The following ZNF888 variants were observed in gnomAD, a reference collection of about 807,000 sequenced individuals.
The protein encoded by ZNF888 is zinc finger protein 888, also known as CTD-2331H12.6.
In ZNF888, 5 loss-of-function variants were observed where a neutral mutation model predicts 7.2. The ratio of observed to expected loss-of-function variants is 0.70; its 90% CI spans 0.36 to 1.46. ZNF888 has a LOEUF of 1.46. ZNF888 is among the 40% of genes most tolerant of loss of function. The probability of loss-of-function intolerance (pLI) is 0.03; values close to 1 mark genes in which losing one functional copy is unlikely to be tolerated. For missense variants in ZNF888, 716 were observed against 858.0 expected (o/e 0.83, Z 2.07); for synonymous variants, 240 against 284.3 (o/e 0.84, Z 1.57).
At chr19:52,914,989 C>T (rs796098245) in intron 4 of ZNF888, among the ~76,000 whole-genome samples, 65 of 151,164 alleles carry the variant, frequency 4.3e-4, no homozygotes, top group African/African-American at 1.4e-3. Context: ...CTACTTTAGT[C>T]CTGGAACCCA....
intron 1 of ZNF888, among the ~76,000 whole-genome samples, chr19:52,919,312 C>T (rs377718702): frequency 0.18 from 11,037 of 61,484 alleles, 4,476 homozygotes; most frequent in African/African-American, 0.24. Flanking sequence ...CGATTGCGGG[C>T]GCGCGCCGCC....
Position 52,908,000 on chromosome 19 carries a change from G to A in ZNF888, c.322C>T (p.His108Tyr), listed in dbSNP as rs982108494. ...FQWQEDETNG[H>Y]EAPMTEIKEL... is the part of the protein sequence containing the mutation. Reference sequence around the variant, plus strand: ...TTGATTTCTGTCATGGGTGCTTCATGGCCATTTGTTTCATCTTCTTGCCAC... The same window carrying A: ...TTGATTTCTGTCATGGGTGCTTCATAGCCATTTGTTTCATCTTCTTGCCAC... Residue 108 changes from histidine (H) to tyrosine (Y), a missense_variant, in exon 5 of 5, where the codon CAT becomes TAT. Coordinates refer to ENST00000638862, the MANE Select transcript of ZNF888 (RefSeq NM_001393938.1). 6 of 1,614,012 alleles carry A rather than the reference G, an allele frequency of 3.7e-6. No homozygotes were observed. In the Admixed American group the frequency reaches 5.0e-5, roughly 13 times the overall value.
intron 4 of ZNF888, among the ~76,000 whole-genome samples, chr19:52,912,561 T>TAA (rs1176685168): frequency 0.046 from 5,253 of 114,832 alleles, 194 homozygotes; most frequent in Middle Eastern, 0.1. Flanking sequence ...CCATCTCTAC[T>TAA]AAAAAAAAAA....
chr19:52,922,303 C>T (rs554952438), intron 1 of ZNF888, among the ~76,000 whole-genome samples: 95 of 152,160 alleles, frequency 6.2e-4, no homozygotes, highest in Admixed American at 3.0e-3. Flanking sequence ...CTCTCTTCCC[C>T]GTTATACCCC....
intron 4 of ZNF888, chr19:52,913,867 T>A (rs1244135549): frequency 2.1e-6 from 1 of 470,944 alleles, no homozygotes; most frequent in Non-Finnish European, 2.8e-6. Context: ...GGCTCACGCC[T>A]GTAATCCCAG....
Position 52,906,041 on chromosome 19 carries a change from C to A in ZNF888, c.*124G>T. The A allele has an allele frequency of 2.2e-6, 3 of 1,386,690 alleles. No homozygotes were observed. The highest frequency in any genetic ancestry group is 2.3e-5 in the South Asian group (2 of 85,418). The allele number at this position is 1,386,690 out of a possible 1,614,324, so 85.9% of individuals were successfully genotyped here. ...GTATGAGTTCACCCATGAACTACAG[C>A]GTATGAACGATGTCTGAAAAATTTG... is the stretch of plus-strand genomic sequence containing the variant. On this transcript the variant is annotated 3_prime_UTR_variant, in exon 5 of 5. Coordinates refer to ENST00000638862, the MANE Select transcript of ZNF888 (RefSeq NM_001393938.1).
chr19:52,907,951 T>C lies in ZNF888; in HGVS notation c.371A>G (p.Gln124Arg). Residue 124 changes from glutamine to arginine, a missense_variant, in exon 5 of 5, where the codon CAA (glutamine) becomes CGA (arginine). Transcript: ENST00000638862. ...EIKELTGSTD[Q>R]YDQRHAGNKP... is the part of the protein sequence containing the mutation. Reference sequence around the variant, plus strand: ...GTTTCCAGCATGCCTTTGATCATATTGGTCTGTACTACCCGTCAACTCTTT... The same window carrying C: ...GTTTCCAGCATGCCTTTGATCATATCGGTCTGTACTACCCGTCAACTCTTT... 1.9e-6 allele frequency: 3 copies of C among 1,614,164 alleles called. No individual in the cohort carries two copies. The highest frequency in any genetic ancestry group is 2.5e-6 in the Non-Finnish European group (3 of 1,180,020).
chr19:52,908,215 G>A, intron 4 of ZNF888, 36 bp from the exon 5 acceptor site: 2 of 1,577,048 alleles, frequency 1.3e-6, no homozygotes, highest in Non-Finnish European at 1.7e-6. Context: ...TTCCAATTCA[G>A]TACAGATAAT....
Position 52,907,476 on chromosome 19 carries a change from T to C in ZNF888, c.846A>G (p.Lys282=), listed in dbSNP as rs2064624644. ...CNKCGKVFNK[K]AYLARHYRRH... is the part of the protein sequence containing the mutation. ...GTCTATAATGACGTGCAAGGTATGC[T>C]TTTTTATTAAAAACCTTGCCACATT... is the stretch of plus-strand genomic sequence containing the variant. Residue 282 remains lysine, a synonymous_variant, in exon 5 of 5, where the codon AAA becomes AAG. Coordinates refer to ENST00000638862, the MANE Select transcript of ZNF888 (RefSeq NM_001393938.1). 2 of 1,603,308 alleles carry C rather than the reference T, an allele frequency of 1.2e-6. No homozygotes were observed. The highest frequency in any genetic ancestry group is 1.7e-5 in the Admixed American group (1 of 58,052).
chr19:52,923,317 A>C, intron 1 of ZNF888, 52 bp downstream of exon 1: 1 of 985,664 alleles, frequency 1.0e-6, no homozygotes, highest in Non-Finnish European at 1.2e-6. Context: ...CAGGTACAGA[A>C]TTGCCGGGGA....
chr19:52,907,254 A>G lies in ZNF888; in HGVS notation c.1068T>C (p.Cys356=). The change falls in exon 5 of 5, where the codon TGT becomes TGC. Residue 356 remains cysteine (C), a synonymous_variant. Coordinates refer to ENST00000638862, the MANE Select transcript of ZNF888 (RefSeq NM_001393938.1). The stretch of plus-strand genomic sequence containing the variant: ...GACTGAAAACTTTGTCACATTCTTT[A>G]CATTGGTAAGGTTTCTCTCCAGTAT... ...RVHTGEKPYQ[C]KECDKVFSRK... is the part of the protein sequence containing the mutation. 1 of 1,612,746 alleles carries G rather than the reference A, an allele frequency of 6.2e-7. No individual in the cohort carries two copies.
At position 52,907,012 on chromosome 19, in the gene ZNF888, G is replaced by A. The variant is rs1343363232; in HGVS notation, c.1310C>T (p.Pro437Leu). The A allele has an allele frequency of 5.6e-6, 9 of 1,612,212 alleles. No individual in the cohort carries two copies. In the East Asian group the frequency reaches 6.7e-5, roughly 12 times the overall value. Residue 437 changes from proline to leucine, a missense_variant, in exon 5 of 5, where the codon CCT becomes CTT. Pro to Leu is a moderately conservative substitution (Grantham distance 98, BLOSUM62 -3). Transcript: ENST00000638862. The part of the protein sequence containing the change: ...VHKTIHTGEK[P>L]YKCNECGKVF... The stretch of plus-strand genomic sequence containing the variant: ...CTTGCCACATTCATTACACTTGTAA[G>A]GTTTCTCTCCAGTATGAATTGTCTT...
chr19:52,922,268 T>TCTGTGG (rs1555740601), intron 1 of ZNF888, among the ~76,000 whole-genome samples: 1 of 151,674 alleles, frequency 6.6e-6, no homozygotes, highest in African/African-American at 2.4e-5. Context: ...TTCTCCCATC[T>TCTGTGG]CTCCTGAGCT....
At position 52,906,649 on chromosome 19, in the gene ZNF888, C is replaced by A; in HGVS notation, c.1673G>T (p.Ser558Ile). ...TGCAAGGCTTGATTTGTGATTAAAA[C>A]TTTTGCCACATTCATTACACTTGTA... is the stretch of plus-strand genomic sequence containing the variant. ...KRYKCNECGK[S>I]FNHKSSLAYH... Residue 558 changes from serine (S) to isoleucine (I), a missense_variant, in exon 5 of 5, where the codon AGT (serine) becomes ATT (isoleucine). Physicochemically the swap from Ser to Ile is moderately radical, Grantham distance 142 (BLOSUM62 -2). Coordinates refer to ENST00000638862, the MANE Select transcript of ZNF888 (RefSeq NM_001393938.1). The A allele has an allele frequency of 9.3e-6, 15 of 1,612,760 alleles. No homozygotes were observed. The highest frequency in any genetic ancestry group is 1.3e-5 in the Non-Finnish European group (15 of 1,179,552).
intron 1 of ZNF888, among the ~76,000 whole-genome samples, chr19:52,921,273 T>C (rs1472822793): frequency 6.6e-6 from 1 of 152,232 alleles, no homozygotes; most frequent in Admixed American, 6.5e-5. Context: ...GCAGGGGCCC[T>C]GGACACAGGG....
intron 4 of ZNF888, 127 bp from the exon 5 acceptor site, chr19:52,908,306 G>A: frequency 2.2e-6 from 2 of 894,144 alleles, no homozygotes; most frequent in Non-Finnish European, 1.7e-6. Flanking sequence ...CAAAGTTCAG[G>A]AACACAAAAG....
chr19:52,910,107 C>G (rs1349131079), intron 4 of ZNF888, among the ~76,000 whole-genome samples: 1 of 144,996 alleles, frequency 6.9e-6, no homozygotes, highest in African/African-American at 2.6e-5. Context: ...ATAGACTGCA[C>G]CATCGCACTC....
In ZNF888 at chr19:52,907,540, C is replaced by T. The variant is rs898171000; in HGVS notation, c.782G>A (p.Arg261His). The T allele has an allele frequency of 1.1e-5, 17 of 1,609,424 alleles. No homozygotes were observed. The highest frequency in any genetic ancestry group is 1.0e-4 in the Admixed American group (6 of 59,246). Residue 261 changes from arginine to histidine, a missense_variant, in exon 5 of 5, where the codon CGT (arginine) becomes CAT (histidine). This residue lies in a region of ZNF888 where 697 missense variants were observed against 803.4 expected (regional missense o/e 0.87). Transcript: ENST00000638862. Reference sequence around the variant, plus strand: ...AGGTTTCTCACCAGTGTGACATCTACGATGGTGTGCAAGGTATCGCTTCTG... The same window carrying T: ...AGGTTTCTCACCAGTGTGACATCTATGATGGTGTGCAAGGTATCGCTTCTG... ...FNQKRYLAHH[R>H]RCHTGEKPYM... is the part of the protein sequence containing the mutation.
chr19:52,906,985 A>T lies in ZNF888; in HGVS notation c.1337T>A (p.Val446Asp). ...TGCAAGGTTTGATTGTTGATTGAAA[A>T]CCTTGCCACATTCATTACACTTGTA... ...KPYKCNECGKVFNQQSNLARH... is the reference protein window; with the variant it reads ...KPYKCNECGKDFNQQSNLARH... The change falls in exon 5 of 5, where the codon GTT becomes GAT. Residue 446 changes from valine to aspartate, a missense_variant. This residue lies in a region of ZNF888 where 697 missense variants were observed against 803.4 expected (regional missense o/e 0.87). Coordinates refer to ENST00000638862, the MANE Select transcript of ZNF888 (RefSeq NM_001393938.1). The T allele has an allele frequency of 6.2e-7, 1 of 1,607,400 alleles. No individual in the cohort carries two copies.
Sources: gnomAD v4.1 joint callset for allele counts (sites outside exome capture counted in the v4.1 genomes callset) on GRCh38, gnomAD v4.1.1 for gene constraint, gnomAD v4.1.1 regional missense constraint, MANE v1.5 for transcripts, NCBI Gene and HGNC (gene_info 2026-07-23, HGNC 2026-07-21) for gene names.